Variants in TENM3 observed in about 807,000 individuals in gnomAD.
TENM3 encodes teneurin transmembrane protein 3.
In TENM3, 63 loss-of-function variants were observed where a neutral mutation model predicts 255.1. That is an observed-to-expected ratio of 0.25 (90% CI 0.20 to 0.30). TENM3 has a LOEUF of 0.30. Ranked by LOEUF, TENM3 falls within the 10% of genes least tolerant of loss-of-function variation. The pLI is 1.00. For missense variants in TENM3, 2,929 were observed against 3,461.1 expected (o/e 0.85, Z 3.86); for synonymous variants, 1,306 against 1,322.3 (o/e 0.99, Z 0.27).
intron 1 of TENM3, among the ~76,000 whole-genome samples, chr4:182,228,358 A>ATGTAATGTGTG (rs1554035080): frequency 2.7e-4 from 29 of 109,112 alleles, no homozygotes; most frequent in African/African-American, 1.0e-3. Context: ...ATGTAATGTA[A>ATGTAATGTGTG]TGTGTGTGTG....
chr4:181,847,345 G>A, the TENM3 span, among the ~76,000 whole-genome samples: 1 of 152,146 alleles, frequency 6.6e-6, no homozygotes, highest in Non-Finnish European at 1.5e-5. Flanking sequence ...AGTAAAAATA[G>A]ACATGGTGCC....
the TENM3 span, among the ~76,000 whole-genome samples, chr4:182,006,367 TG>T: frequency 1.3e-5 from 2 of 152,192 alleles, no homozygotes; most frequent in Admixed American, 6.5e-5. Context: ...TGGGCTTTTT[TG>T]GTTGGTAGGT....
chr4:182,734,395 T>C (rs6833719), intron 16 of TENM3, among the ~76,000 whole-genome samples: 8,232 of 152,164 alleles, frequency 0.054, 331 homozygotes, highest in African/African-American at 0.12. Flanking sequence ...AAGACCCCAG[T>C]GGAGTTTTTT....
chr4:182,623,319 C>G (rs10002543), intron 4 of TENM3, among the ~76,000 whole-genome samples: 8,408 of 147,076 alleles, frequency 0.057, 787 homozygotes, highest in African/African-American at 0.2. Context: ...GACCCTATTT[C>G]TTGAGACAGA....
the TENM3 span, among the ~76,000 whole-genome samples, chr4:182,026,544 T>C: frequency 6.6e-6 from 1 of 152,220 alleles, no homozygotes; most frequent in South Asian, 2.1e-4. Flanking sequence ...CCCACACCAA[T>C]GTCCTATAGA....
At chr4:181,873,213 G>A in the TENM3 span, among the ~76,000 whole-genome samples, 14 of 152,058 alleles carry the variant, frequency 9.2e-5, no homozygotes, top group South Asian at 2.9e-3. Context: ...GATTACGGAG[G>A]CATGCCAACA....
In TENM3 at chr4:182,798,393, A is replaced by C. The variant is rs542655670; in HGVS notation, c.7345-1203A>C. 9.8e-5 allele frequency among the ~76,000 whole-genome samples: 15 copies of C among 152,346 alleles called. No individual in the cohort carries two copies. The East Asian group carries it at 2.9e-3, about 29-fold the overall frequency. ...TACAGTTGCCTGCAATATTCAGTACAGTCACACCGTATACAGGTTTGCAGC... is the reference window on the plus strand; with the variant it reads ...TACAGTTGCCTGCAATATTCAGTACCGTCACACCGTATACAGGTTTGCAGC... On this transcript the variant is annotated intron_variant, in intron 27 of 27. Transcript: ENST00000511685.
the TENM3 span, among the ~76,000 whole-genome samples, chr4:181,668,906 T>C: frequency 2.0e-5 from 3 of 152,150 alleles, no homozygotes; most frequent in Admixed American, 1.3e-4. Context: ...TACACCTCAC[T>C]AGCTGGACAC....
chr4:181,622,751 G>C, the TENM3 span, among the ~76,000 whole-genome samples: 5 of 152,252 alleles, frequency 3.3e-5, no homozygotes, highest in African/African-American at 1.2e-4. Flanking sequence ...AACAAGCCCT[G>C]AGATAATGGG....
At chr4:181,759,374 A>C in the TENM3 span, among the ~76,000 whole-genome samples, 8 of 152,154 alleles carry the variant, frequency 5.3e-5, no homozygotes, top group Non-Finnish European at 1.0e-4. Flanking sequence ...ATCTAAAATA[A>C]AGGTTTAAAA....
In TENM3 at chr4:182,232,492, A is replaced by G. The variant is rs1188638867; in HGVS notation, c.-76+87738A>G. ...TGTAATCCCAGCACTTGGGGAGGCC[A>G]AGGTGGGCGGATTACAAGGTCAAGA... On this transcript the variant is annotated intron_variant, in intron 1 of 2. Coordinates refer to the TENM3 transcript ENST00000512480. Among the ~76,000 whole-genome samples the G allele has an allele frequency of 2.0e-5, 3 of 152,170 alleles. No individual in the cohort carries two copies. The East Asian group carries it at 5.8e-4, about 29-fold the overall frequency.
Position 182,414,732 on chromosome 4 carries a change from A to G in TENM3, c.511+67803A>G, listed in dbSNP as rs1268793917. The stretch of plus-strand genomic sequence containing the variant: ...AAATAAATCCTTATAAAGTATCTCA[A>G]AGATCTATTGTGGGACTATTTAAAA... On this transcript the variant is annotated intron_variant, in intron 3 of 27. Coordinates refer to ENST00000511685, the MANE Select transcript of TENM3 (RefSeq NM_001080477.4). Among the ~76,000 whole-genome samples, 3 of 152,308 alleles carry G rather than the reference A, an allele frequency of 2.0e-5. No homozygotes were observed. In the East Asian group the frequency reaches 5.8e-4, roughly 29 times the overall value.
At chr4:181,596,629 G>A in the TENM3 span, among the ~76,000 whole-genome samples, 1 of 152,154 alleles carries the variant, frequency 6.6e-6, no homozygotes, top group Middle Eastern at 3.4e-3. Context: ...AAAAAAATAA[G>A]ATCCTCATAT....
intron 1 of TENM3, among the ~76,000 whole-genome samples, chr4:182,299,857 A>T (rs1761742492): frequency 6.6e-6 from 1 of 151,388 alleles, no homozygotes; most frequent in Non-Finnish European, 1.5e-5. Flanking sequence ...GAGCAGGGTG[A>T]TTATTTCCCA....
chr4:181,483,062 A>G, the TENM3 span, among the ~76,000 whole-genome samples: 5 of 152,294 alleles, frequency 3.3e-5, no homozygotes, highest in East Asian at 9.6e-4. Flanking sequence ...ATGTAAAACT[A>G]CAGCTGTGAG....
chr4:182,092,520 C>T, the TENM3 span, among the ~76,000 whole-genome samples: 1 of 152,062 alleles, frequency 6.6e-6, no homozygotes, highest in Non-Finnish European at 1.5e-5. Context: ...CATTGGCATG[C>T]ACCTATTGTT....
chr4:182,517,915 G>T (rs546181958), intron 3 of TENM3, among the ~76,000 whole-genome samples: 1 of 152,178 alleles, frequency 6.6e-6, no homozygotes, highest in Non-Finnish European at 1.5e-5. Flanking sequence ...GAAACCACAC[G>T]TTAATCTACC....
At chr4:181,704,719 G>T in the TENM3 span, among the ~76,000 whole-genome samples, 1 of 152,058 alleles carries the variant, frequency 6.6e-6, no homozygotes, top group African/African-American at 2.4e-5. Context: ...TACACTAGGT[G>T]ATGGGATTTT....
At chr4:182,388,203 G>A (rs932357744) in intron 3 of TENM3, among the ~76,000 whole-genome samples, 1 of 151,782 alleles carries the variant, frequency 6.6e-6, no homozygotes, top group Admixed American at 6.6e-5. Context: ...AAGTTCCATC[G>A]CCACTTCTCT....
Sources: gnomAD v4.1 joint callset for allele counts (sites outside exome capture counted in the v4.1 genomes callset) on GRCh38, gnomAD v4.1.1 for gene constraint, MANE v1.5 for transcripts, NCBI Gene and HGNC (gene_info 2026-07-23, HGNC 2026-07-21) for gene names.